Variants in CHM observed in about 807,000 individuals in gnomAD.
CHM encodes rab proteins geranylgeranyltransferase component A 1.
In CHM, 10 loss-of-function variants were observed where a neutral mutation model predicts 49.0. The ratio of observed to expected loss-of-function variants is 0.20; its 90% CI spans 0.13 to 0.35. The LOEUF (loss-of-function observed/expected upper bound fraction) is 0.35. CHM is among the 10% of genes least tolerant of loss of function. The probability of loss-of-function intolerance (pLI) is 1.00; values close to 1 mark genes in which losing one functional copy is unlikely to be tolerated. For missense variants in CHM, 455 were observed against 478.4 expected, an observed-to-expected ratio of 0.95 and a Z score of 0.46; for synonymous variants, 184 against 167.5, an observed-to-expected ratio of 1.10 and a Z score of -0.76.
intron 1 of CHM, among the ~76,000 whole-genome samples, chrX:86,046,783 C>G (rs1364957234): frequency 9.0e-6 from 1 of 111,716 alleles, no homozygotes; most frequent in African/African-American, 3.3e-5. Flanking sequence ...GACGGGAAAA[C>G]AAGAGTTAGA....
At chrX:85,915,520 G>A (rs1927397984) in intron 8 of CHM, among the ~76,000 whole-genome samples, 1 of 112,085 alleles carries the variant, frequency 8.9e-6, no homozygotes, top group African/African-American at 3.2e-5. Flanking sequence ...TATCTTGTCT[G>A]CAGATGACAT....
At chrX:86,037,910 G>GA (rs917483843) in intron 1 of CHM, among the ~76,000 whole-genome samples, 14 of 109,990 alleles carry the variant, frequency 1.3e-4, no homozygotes, top group Non-Finnish European at 2.7e-4. Context: ...TCAACCAAAA[G>GA]AAAAAAAGCT....
chrX:86,038,144 CCTAAATAAGATCACTA>C (rs1934320339), intron 1 of CHM, among the ~76,000 whole-genome samples: 1 of 111,713 alleles, frequency 9.0e-6, no homozygotes, highest in African/African-American at 3.3e-5. Context: ...CCTTTCTATT[CCTAAATAAGATCACTA>C]CAAAGATTTT....
intron 8 of CHM, among the ~76,000 whole-genome samples, chrX:85,934,818 A>G (rs1014581017): frequency 9.0e-6 from 1 of 110,519 alleles, no homozygotes; most frequent in African/African-American, 3.3e-5. Context: ...TGGTTTCTTG[A>G]GTAGGTATAA....
chrX:86,047,548 G>T lies in CHM; in HGVS notation c.-16C>A. Reference sequence around the variant, plus strand: ...TATCCGCCATCTTGACGGGAAACGTGTCATGTGACTATTACTTGTGGAAAT... The same window carrying T: ...TATCCGCCATCTTGACGGGAAACGTTTCATGTGACTATTACTTGTGGAAAT... On this transcript the variant is annotated 5_prime_UTR_variant, in exon 1 of 15. Coordinates refer to ENST00000357749, the MANE Select transcript of CHM (RefSeq NM_000390.4). 1 of 1,192,387 alleles carries T rather than the reference G, an allele frequency of 8.4e-7. No homozygotes were observed. Among genetic ancestry groups the T allele is most frequent in the Non-Finnish European group, 1.1e-6 (1 of 880,827 alleles).
intron 1 of CHM, among the ~76,000 whole-genome samples, chrX:86,040,202 A>T (rs1195422502): frequency 5.4e-5 from 6 of 112,011 alleles, no homozygotes; most frequent in Non-Finnish European, 1.9e-5. Context: ...TTCCCTCTGG[A>T]GCTTCAGGGG....
chrX:85,990,381 T>C (rs1254419243), intron 2 of CHM, among the ~76,000 whole-genome samples: 2 of 111,651 alleles, frequency 1.8e-5, no homozygotes, highest in Non-Finnish European at 3.8e-5. Context: ...AACTTTTGGA[T>C]ACTGCGCTTA....
At position 86,047,557 on chromosome X, in the gene CHM, C is replaced by T; in HGVS notation, c.-25G>A. The T allele has an allele frequency of 8.5e-7, 1 of 1,181,583 alleles. No individual in the cohort carries two copies. Among genetic ancestry groups the T allele is most frequent in the Non-Finnish European group, 1.1e-6 (1 of 872,100 alleles). On this transcript the variant is annotated 5_prime_UTR_variant, in exon 1 of 15. Coordinates refer to ENST00000357749, the MANE Select transcript of CHM (RefSeq NM_000390.4). ...TCTTGACGGGAAACGTGTCATGTGA[C>T]TATTACTTGTGGAAATGAGATCAAG...
At chrX:85,964,109 T>C in intron 4 of CHM, 57 bp from the exon 5 acceptor site, 1 of 1,065,040 alleles carries the variant, frequency 9.4e-7, no homozygotes, top group Admixed American at 2.5e-5. Context: ...CCTTACCCCT[T>C]TTATCAAGTT....
chrX:86,014,893 C>CA (rs992423422), intron 2 of CHM, among the ~76,000 whole-genome samples: 10 of 110,133 alleles, frequency 9.1e-5, no homozygotes, highest in Non-Finnish European at 1.5e-4. Flanking sequence ...CATTGACTTA[C>CA]AAAATCAAAC....
chrX:85,973,946 G>A (rs1224705260), intron 4 of CHM, among the ~76,000 whole-genome samples: 1 of 111,623 alleles, frequency 9.0e-6, no homozygotes, highest in Non-Finnish European at 1.9e-5. Context: ...GAAAAGAAAG[G>A]CATAAAACTT....
intron 2 of CHM, among the ~76,000 whole-genome samples, chrX:86,016,168 C>T (rs1382284868): frequency 3.6e-5 from 4 of 110,690 alleles, no homozygotes; most frequent in Non-Finnish European, 7.6e-5. Context: ...GACTCACGTG[C>T]CGTTAAAGGC....
At chrX:85,891,878 A>C (rs758300820) in intron 12 of CHM, among the ~76,000 whole-genome samples, 1 of 112,026 alleles carries the variant, frequency 8.9e-6, no homozygotes, top group African/African-American at 3.2e-5. Flanking sequence ...GAGGCAGGAT[A>C]TACCCTGCAA....
intron 12 of CHM, among the ~76,000 whole-genome samples, chrX:85,891,148 C>T (rs1925424152): frequency 9.0e-6 from 1 of 111,639 alleles, no homozygotes; most frequent in Non-Finnish European, 1.9e-5. Flanking sequence ...GACTTGGGTG[C>T]TGTTAAAAGC....
intron 9 of CHM, among the ~76,000 whole-genome samples, chrX:85,907,992 G>A (rs1267175901): frequency 9.0e-6 from 1 of 111,050 alleles, no homozygotes; most frequent in Non-Finnish European, 1.9e-5. Context: ...GTAGTCTGTG[G>A]GATCACAGAA....
intron 8 of CHM, among the ~76,000 whole-genome samples, chrX:85,923,659 C>T (rs1406056803): frequency 1.8e-5 from 2 of 111,680 alleles, no homozygotes; most frequent in African/African-American, 6.5e-5. Context: ...AAATGCTGTC[C>T]CTGCTGTCAT....
chrX:85,949,192 C>A (rs765638669), intron 8 of CHM, among the ~76,000 whole-genome samples: 3 of 112,040 alleles, frequency 2.7e-5, no homozygotes, highest in African/African-American at 9.7e-5. Context: ...TTTTCTTTGT[C>A]TAAGATTCAA....
At position 85,926,913 on chromosome X, in the gene CHM, C is replaced by T. The variant is rs189668215; in HGVS notation, c.1167-15575G>A. Among the ~76,000 whole-genome samples, 47 of 112,084 alleles carry T rather than the reference C, an allele frequency of 4.2e-4. No individual in the cohort carries two copies. The East Asian group carries it at 0.011, about 27-fold the overall frequency. ...GTTATTCTTACATAGAATGCTCATA[C>T]GTTTTACATAACAGTTATTTGCCAT... On this transcript the variant is annotated intron_variant, in intron 8 of 14. Coordinates refer to ENST00000357749, the MANE Select transcript of CHM (RefSeq NM_000390.4).
intron 4 of CHM, chrX:85,969,180 TTAATA>T: frequency 5.4e-6 from 4 of 739,334 alleles, no homozygotes; most frequent in South Asian, 1.4e-4. Flanking sequence ...TCATCCTGCT[TTAATA>T]TTATACCAGA....
Sources: gnomAD v4.1 joint callset for allele counts (sites outside exome capture counted in the v4.1 genomes callset) on GRCh38, gnomAD v4.1.1 for gene constraint, MANE v1.5 for transcripts, NCBI Gene and HGNC (gene_info 2026-07-23, HGNC 2026-07-21) for gene names.